PRMT3: variants seen among roughly 807,000 people sequenced by gnomAD.
PRMT3 encodes protein arginine N-methyltransferase 3.
A neutral mutation model predicts 71.9 loss-of-function variants in PRMT3; 62 were observed. The observed-to-expected ratio is 0.86, with a 90% confidence interval of 0.70 to 1.07. PRMT3 has a LOEUF of 1.07. Ranked by LOEUF, PRMT3 falls within the 50% of genes least tolerant of loss-of-function variation. The pLI is 0.00. For synonymous variants in PRMT3, 213 were observed against 220.4 expected (o/e 0.97, Z 0.30); for missense variants, 663 against 643.0 (o/e 1.03, Z -0.34).
chr11:20,412,979 T>C (rs1191497352), intron 9 of PRMT3, among the ~76,000 whole-genome samples: 1 of 152,186 alleles, frequency 6.6e-6, no homozygotes, highest in African/African-American at 2.4e-5. Flanking sequence ...CCTGACTCCA[T>C]AGCTTATCCT....
intron 10 of PRMT3, among the ~76,000 whole-genome samples, chr11:20,441,262 T>TA (rs1849889893): frequency 7.8e-6 from 1 of 128,032 alleles, no homozygotes; most frequent in Non-Finnish European, 1.6e-5. Flanking sequence ...TGTTACTAAC[T>TA]TTTTATTTAT....
Position 20,402,996 on chromosome 11 carries a change from A to C in PRMT3, c.771+12A>C, listed in dbSNP as rs1848983856. The C allele has an allele frequency of 6.4e-7, 1 of 1,550,598 alleles. No individual in the cohort carries two copies. Among genetic ancestry groups the C allele is most frequent in the African/African-American group, 1.4e-5 (1 of 73,368 alleles). On this transcript the variant is annotated intron_variant, in intron 8 of 15. Transcript: ENST00000331079. ...TCTTCAAAGACAAGGTAAGTAGTATAGGTTATAGAATTATACATTTCATCT... is the reference window on the plus strand; with the variant it reads ...TCTTCAAAGACAAGGTAAGTAGTATCGGTTATAGAATTATACATTTCATCT...
intron 9 of PRMT3, among the ~76,000 whole-genome samples, chr11:20,411,879 G>A (rs1403856707): frequency 6.6e-6 from 1 of 152,162 alleles, no homozygotes; most frequent in Non-Finnish European, 1.5e-5. Context: ...AGTTGATTCA[G>A]AGGGAACAGC....
rs73447066 is a variant in PRMT3 at position 20,415,558 on chromosome 11, T to C, written c.893+7526T>C. 5.5e-3 allele frequency among the ~76,000 whole-genome samples: 767 copies of C among 138,862 alleles called. 8 individuals are homozygous for C. Among genetic ancestry groups the C allele is most frequent in the African/African-American group, 0.018 (721 of 40,304 alleles). 91.1% of individuals were successfully genotyped at this position (138,862 alleles called of 152,430 possible). A position where few individuals can be genotyped will look rare whatever the true frequency, so the allele number is the denominator to read the frequency against. On this transcript the variant is annotated intron_variant, in intron 9 of 15. Transcript: ENST00000331079. ...ACTTTTTCCACTAGTTATACAAGAC[T>C]TTCTTTCCTCCCCAGCTTCATACCT... is the stretch of plus-strand genomic sequence containing the variant.
At chr11:20,481,691 T>C (rs918714287) in intron 13 of PRMT3, among the ~76,000 whole-genome samples, 1 of 152,238 alleles carries the variant, frequency 6.6e-6, no homozygotes, top group African/African-American at 2.4e-5. Flanking sequence ...TCTTATTACT[T>C]TGTTTCAAAG....
chr11:20,483,663 A>T (rs1297824059), intron 13 of PRMT3, among the ~76,000 whole-genome samples: 1 of 152,164 alleles, frequency 6.6e-6, no homozygotes, highest in African/African-American at 2.4e-5. Context: ...AAATAATCAA[A>T]ATGTAATTTC....
At chr11:20,442,373 A>T (rs573569574) in intron 10 of PRMT3, among the ~76,000 whole-genome samples, 81 of 152,164 alleles carry the variant, frequency 5.3e-4, no homozygotes, top group African/African-American at 1.9e-3. Flanking sequence ...GCAAAAAATT[A>T]CTAATTTTTT....
At chr11:20,390,006 C>A (rs948164409) in intron 3 of PRMT3, among the ~76,000 whole-genome samples, 180 bp downstream of exon 3, 7 of 152,132 alleles carry the variant, frequency 4.6e-5, no homozygotes, top group African/African-American at 1.7e-4. Flanking sequence ...CAAAAGTTAT[C>A]TGGGTGTGGT....
chr11:20,430,230 C>G (rs943464066), intron 10 of PRMT3, among the ~76,000 whole-genome samples: 2 of 151,880 alleles, frequency 1.3e-5, no homozygotes, highest in Non-Finnish European at 2.9e-5. Flanking sequence ...TCTCTTTTTA[C>G]AAGTATTTTC....
intron 15 of PRMT3, among the ~76,000 whole-genome samples, chr11:20,494,753 A>G (rs1038177733): frequency 5.9e-5 from 9 of 152,230 alleles, no homozygotes; most frequent in Non-Finnish European, 8.8e-5. Context: ...TTTTAAGTCT[A>G]ATTTCTGCCA....
At chr11:20,488,592 C>T (rs1851134972) in intron 13 of PRMT3, among the ~76,000 whole-genome samples, 1 of 152,168 alleles carries the variant, frequency 6.6e-6, no homozygotes, top group Non-Finnish European at 1.5e-5. Context: ...CTGCTGTAAC[C>T]ACATGCTGTT....
At chr11:20,469,189 A>G (rs1420755001) in intron 13 of PRMT3, among the ~76,000 whole-genome samples, 1 of 152,224 alleles carries the variant, frequency 6.6e-6, no homozygotes, top group Non-Finnish European at 1.5e-5. Flanking sequence ...TGCTTAACCT[A>G]GCCAAAAATG....
chr11:20,431,879 C>T (rs1022245331), intron 10 of PRMT3, among the ~76,000 whole-genome samples: 8 of 151,998 alleles, frequency 5.3e-5, no homozygotes, highest in Admixed American at 3.9e-4. Context: ...ATATAAAATT[C>T]CCATTCCGCA....
At chr11:20,439,321 C>G (rs1243022073) in intron 10 of PRMT3, among the ~76,000 whole-genome samples, 1 of 148,988 alleles carries the variant, frequency 6.7e-6, no homozygotes, top group African/African-American at 2.5e-5. Context: ...GAGAAGTTCT[C>G]CTGATTCCCA....
At chr11:20,465,051 T>C (rs957508162) in intron 13 of PRMT3, among the ~76,000 whole-genome samples, 3 of 152,168 alleles carry the variant, frequency 2.0e-5, no homozygotes, top group Non-Finnish European at 4.4e-5. Flanking sequence ...TGGGTTCCTA[T>C]GTGGTTCTAC....
intron 7 of PRMT3, among the ~76,000 whole-genome samples, chr11:20,398,263 ATAAT>A (rs1352200746): frequency 4.6e-5 from 7 of 152,170 alleles, no homozygotes; most frequent in African/African-American, 1.2e-4. Flanking sequence ...TGGGCCAATA[ATAAT>A]TCTTTGATAT....
At position 20,389,623 on chromosome 11, in the gene PRMT3, A is replaced by G. The variant is rs1205983221; in HGVS notation, c.165-121A>G. 6 of 586,374 alleles carry G rather than the reference A, an allele frequency of 1.0e-5. No individual in the cohort carries two copies. The African/African-American group carries it at 1.2e-4, about 11-fold the overall frequency. 36.3% of individuals were successfully genotyped at this position (586,374 alleles called of 1,614,324 possible). A position where few individuals can be genotyped will look rare whatever the true frequency, so the allele number is the denominator to read the frequency against. ...ATACAAGTGTGTTTGTTTTTTCTTA[A>G]TTGGAAGTAAAACTAGAAACCAGCA... is the stretch of plus-strand genomic sequence containing the variant. On this transcript the variant is annotated intron_variant, in intron 2 of 15. Transcript: ENST00000331079.
intron 10 of PRMT3, among the ~76,000 whole-genome samples, chr11:20,443,765 A>G (rs892009310): frequency 3.3e-5 from 5 of 152,330 alleles, no homozygotes; most frequent in East Asian, 1.9e-4. Flanking sequence ...TCTGAGGAAT[A>G]GGGCCAATTT....
chr11:20,460,483 CT>C lies in PRMT3; in HGVS notation c.1073-1493del, dbSNP rs546250946. Among the ~76,000 whole-genome samples, 89 of 152,180 alleles carry C rather than the reference CT, an allele frequency of 5.8e-4. 1 individual carries two copies. The South Asian group carries it at 0.018, about 32-fold the overall frequency. Reference sequence around the variant, plus strand: ...AACACTTACCTTCTTGGTTCTCTTACTTTTGTGGCTCCAGCTTCTCGGTCAA... The same window carrying C: ...AACACTTACCTTCTTGGTTCTCTTACTTTGTGGCTCCAGCTTCTCGGTCAA... On this transcript the variant is annotated intron_variant, in intron 11 of 15. Transcript: ENST00000331079.
Sources: allele counts gnomAD v4.1 joint callset (sites outside exome capture counted in the v4.1 genomes callset), GRCh38; gene constraint gnomAD v4.1.1; transcripts MANE v1.5; gene names NCBI Gene and HGNC (gene_info 2026-07-23, HGNC 2026-07-21).